RNF216: variants seen among roughly 807,000 people sequenced by gnomAD.
RNF216 encodes E3 ubiquitin-protein ligase RNF216.
A neutral mutation model predicts 110.8 loss-of-function variants in RNF216; 72 were observed. The ratio of observed to expected loss-of-function variants is 0.65; its 90% CI spans 0.54 to 0.79. The LOEUF is 0.79. Among genes scored for constraint, RNF216 ranks in the 30% least tolerant of loss-of-function variants. The probability of loss-of-function intolerance (pLI) is 0.00; values close to 1 mark genes in which losing one functional copy is unlikely to be tolerated. For synonymous variants in RNF216, 495 were observed against 407.5 expected, an observed-to-expected ratio of 1.21 and a Z score of -2.59; for missense variants, 1,342 against 1,141.2, an observed-to-expected ratio of 1.18 and a Z score of -2.54.
At chr7:5,627,045 T>A (rs1177436152) in intron 15 of RNF216, among the ~76,000 whole-genome samples, 1 of 152,110 alleles carries the variant, frequency 6.6e-6, no homozygotes, top group Non-Finnish European at 1.5e-5. Context: ...CTCTGCCGCA[T>A]CTCCTCGATG....
chr7:5,636,957 CGAG>C (rs1234721052), intron 15 of RNF216, among the ~76,000 whole-genome samples: 9 of 152,018 alleles, frequency 5.9e-5, no homozygotes, highest in Admixed American at 1.3e-4. Flanking sequence ...AGACACAGAA[CGAG>C]GAGGAGAAGA....
At chr7:5,669,764 C>G (rs1789776383) in intron 13 of RNF216, among the ~76,000 whole-genome samples, 1 of 152,066 alleles carries the variant, frequency 6.6e-6, no homozygotes, top group Non-Finnish European at 1.5e-5. Context: ...TGGTGTTGTG[C>G]ACTTGTGATC....
At chr7:5,665,833 C>T (rs910953059) in intron 13 of RNF216, among the ~76,000 whole-genome samples, 5 of 152,014 alleles carry the variant, frequency 3.3e-5, no homozygotes, top group Admixed American at 1.3e-4. Context: ...ATATCAGCAA[C>T]GCCTAGGCAA....
intron 3 of RNF216, among the ~76,000 whole-genome samples, chr7:5,743,961 A>G (rs1200322260): frequency 2.0e-5 from 3 of 152,256 alleles, no homozygotes; most frequent in African/African-American, 7.2e-5. Context: ...ACAGAATCCC[A>G]AAATTTTCAT....
At chr7:5,760,958 G>A in intron 2 of RNF216, 45 bp downstream of exon 2, 1 of 1,454,088 alleles carries the variant, frequency 6.9e-7, no homozygotes, top group South Asian at 1.2e-5. Context: ...GATACTAAAA[G>A]AAAAAGCCAC....
chr7:5,713,667 G>C (rs1792862380), intron 11 of RNF216, among the ~76,000 whole-genome samples: 2 of 152,140 alleles, frequency 1.3e-5, no homozygotes, highest in Admixed American at 1.3e-4. Context: ...CTTTCAAACA[G>C]CTCTTTAACA....
chr7:5,674,090 C>T (rs888832166), intron 13 of RNF216, among the ~76,000 whole-genome samples: 5 of 151,448 alleles, frequency 3.3e-5, no homozygotes, highest in East Asian at 1.9e-4. Flanking sequence ...AGTGCAATGG[C>T]GTTATCTCGG....
chr7:5,744,072 T>A (rs1794908873), intron 3 of RNF216, among the ~76,000 whole-genome samples: 1 of 151,830 alleles, frequency 6.6e-6, no homozygotes, highest in South Asian at 2.1e-4. Flanking sequence ...CAGAAACAAA[T>A]ATACAAGGGT....
chr7:5,635,148 T>G (rs1787321307), intron 15 of RNF216, among the ~76,000 whole-genome samples: 1 of 152,170 alleles, frequency 6.6e-6, no homozygotes, highest in South Asian at 2.1e-4. Context: ...AGGAAAGCAC[T>G]GCCTCCCAGT....
chr7:5,765,464 A>T (rs533411743), intron 1 of RNF216, among the ~76,000 whole-genome samples: 208 of 152,056 alleles, frequency 1.4e-3, no homozygotes, highest in African/African-American at 4.9e-3. Context: ...ACTCCATCTC[A>T]AAAAATAAAA....
chr7:5,706,821 T>C (rs1792320618), intron 13 of RNF216, among the ~76,000 whole-genome samples: 1 of 152,234 alleles, frequency 6.6e-6, no homozygotes, highest in African/African-American at 2.4e-5. Flanking sequence ...GTTTTTGGTA[T>C]TATACCCAGG....
intron 2 of RNF216, chr7:5,760,514 CA>C: frequency 7.1e-6 from 2 of 280,434 alleles, no homozygotes; most frequent in South Asian, 2.9e-5. Context: ...AATTCCATCT[CA>C]AAAAAAGAAA....
intron 5 of RNF216, among the ~76,000 whole-genome samples, chr7:5,735,379 C>T (rs749981434): frequency 4.6e-5 from 7 of 151,862 alleles, no homozygotes; most frequent in Non-Finnish European, 8.8e-5. Context: ...ATATGATTCC[C>T]AAGAACTTAA....
rs1562765412 is a variant in RNF216, at chr7:5,624,982, C to T, written c.2383-857G>A. ...TTCATGAGTGGCGCTTACCTTAACC[C>T]CCCTCCTCAGTGACCCACAAAACAG... is the stretch of plus-strand genomic sequence containing the variant. On this transcript the variant is annotated intron_variant, in intron 15 of 16. Coordinates refer to ENST00000389902, the MANE Select transcript of RNF216 (RefSeq NM_207111.4). The surrounding 1 kb of genome is among the most constrained non-coding windows in gnomAD (Gnocchi z 4.4). 1.3e-5 allele frequency among the ~76,000 whole-genome samples: 2 copies of T among 152,218 alleles called. No homozygotes were observed. The highest frequency in any genetic ancestry group is 4.1e-4 in the South Asian group (2 of 4,832).
intron 5 of RNF216, among the ~76,000 whole-genome samples, chr7:5,732,656 A>G (rs1794160552): frequency 6.6e-6 from 1 of 152,250 alleles, no homozygotes; most frequent in Non-Finnish European, 1.5e-5. Context: ...AGGTTAAGTG[A>G]CATTTGGAGG....
intron 5 of RNF216, among the ~76,000 whole-genome samples, chr7:5,735,329 A>C (rs550022995): frequency 1.1e-3 from 162 of 152,310 alleles, no homozygotes; most frequent in African/African-American, 3.5e-3. Flanking sequence ...GAAAATACAC[A>C]AGAAAACTAG....
At chr7:5,659,106 T>A (rs1788936587) in intron 13 of RNF216, among the ~76,000 whole-genome samples, 1 of 152,096 alleles carries the variant, frequency 6.6e-6, no homozygotes, top group Admixed American at 6.6e-5. Context: ...AAACATGAAC[T>A]TAGATCAAGT....
intron 3 of RNF216, among the ~76,000 whole-genome samples, chr7:5,747,484 T>C (rs140187314): frequency 6.6e-6 from 1 of 152,324 alleles, no homozygotes; most frequent in East Asian, 1.9e-4. Flanking sequence ...ACGTGACCCT[T>C]AGAAAGCCAT....
In RNF216 at chr7:5,765,220, G is replaced by A. The variant is rs116046323; in HGVS notation, c.-69-4082C>T. ...CTCACGCCTTTAATCCCAGGACTTC[G>A]GGAGGTCGAGGCCAGTGGATTGCTT... is the stretch of plus-strand genomic sequence containing the variant. On this transcript the variant is annotated intron_variant, in intron 1 of 16. Transcript: ENST00000389902. Among the ~76,000 whole-genome samples, 603 of 152,208 alleles carry A rather than the reference G, an allele frequency of 4.0e-3. 3 individuals carry two copies. Among genetic ancestry groups the A allele is most frequent in the African/African-American group, 0.014 (561 of 41,546 alleles).
Sources: gnomAD v4.1 joint callset for allele counts (sites outside exome capture counted in the v4.1 genomes callset) on GRCh38, gnomAD v4.1.1 for gene constraint, Gnocchi (gnomAD v3.1) non-coding constraint, MANE v1.5 for transcripts, NCBI Gene and HGNC (gene_info 2026-07-23, HGNC 2026-07-21) for gene names.